Variants in MYO3A observed in about 807,000 individuals in gnomAD.
MYO3A encodes the protein myosin-IIIa.
MYO3A carries 180 observed loss-of-function variants against 192.7 expected under a neutral mutation model. The observed-to-expected ratio is 0.93, with a 90% CI of 0.83 to 1.06. MYO3A has a LOEUF of 1.06. Ranked by LOEUF, MYO3A falls within the 50% of genes least tolerant of loss-of-function variation. MYO3A has a pLI of 0.00. For missense variants in MYO3A, 1,896 were observed against 1,905.0 expected, an observed-to-expected ratio of 1.00 and a Z score of 0.09; for synonymous variants, 628 against 645.3, an observed-to-expected ratio of 0.97 and a Z score of 0.41.
chr10:26,170,647 C>G, intron 29 of MYO3A, 108 bp downstream of exon 29: 1 of 1,211,498 alleles, frequency 8.3e-7, no homozygotes, highest in Non-Finnish European at 1.2e-6. Context: ...GTTCCTGATA[C>G]TGACACATCA....
intron 20 of MYO3A, among the ~76,000 whole-genome samples, chr10:26,134,500 T>C (rs891298203): frequency 6.6e-6 from 1 of 152,160 alleles, no homozygotes; most frequent in African/African-American, 2.4e-5. Context: ...AAAAAAGTTA[T>C]TTCATTAAAG....
chr10:26,174,910 A>G (rs1476431604), intron 30 of MYO3A, among the ~76,000 whole-genome samples: 1 of 152,200 alleles, frequency 6.6e-6, no homozygotes, highest in Non-Finnish European at 1.5e-5. Context: ...AGTTTTCTAA[A>G]TCCTCCAAAG....
chr10:25,988,165 G>A (rs1390449642), intron 4 of MYO3A, among the ~76,000 whole-genome samples: 1 of 152,030 alleles, frequency 6.6e-6, no homozygotes, highest in Non-Finnish European at 1.5e-5. Flanking sequence ...AAGCTATGAG[G>A]ACACAAAGGC....
At chr10:26,046,269 CAG>C (rs1843632586) in intron 10 of MYO3A, among the ~76,000 whole-genome samples, 1 of 152,136 alleles carries the variant, frequency 6.6e-6, no homozygotes, top group Non-Finnish European at 1.5e-5. Flanking sequence ...TAGATAGTGA[CAG>C]AATTGAAATG....
At chr10:26,071,334 TAC>T (rs1835194355) in intron 14 of MYO3A, among the ~76,000 whole-genome samples, 1 of 150,912 alleles carries the variant, frequency 6.6e-6, no homozygotes, top group Non-Finnish European at 1.5e-5. Flanking sequence ...GATAGGCCCA[TAC>T]AAAAAAAAGA....
chr10:26,136,972 C>T lies in MYO3A; in HGVS notation c.2263-6476C>T, dbSNP rs377323176. 4.3e-4 allele frequency among the ~76,000 whole-genome samples: 65 copies of T among 151,770 alleles called. No homozygotes were observed. In the South Asian group the frequency reaches 0.013, roughly 30 times the overall value. ...GGCAGAGTTTGCAGTGAGCAGAGTTCGTGCCACTGCACTCCAGCCTGGGCC... is the reference window on the plus strand; with the variant it reads ...GGCAGAGTTTGCAGTGAGCAGAGTTTGTGCCACTGCACTCCAGCCTGGGCC... On this transcript the variant is annotated intron_variant, in intron 20 of 34. Transcript: ENST00000642920.
chr10:25,984,769 A>G (rs945810456), intron 4 of MYO3A, among the ~76,000 whole-genome samples: 1 of 152,264 alleles, frequency 6.6e-6, no homozygotes, highest in African/African-American at 2.4e-5. Flanking sequence ...TCATGCAAAT[A>G]CATGGAAATT....
intron 18 of MYO3A, 37 bp from the exon 19 acceptor site, chr10:26,125,361 A>C: frequency 6.2e-7 from 1 of 1,603,584 alleles, no homozygotes; most frequent in Non-Finnish European, 8.5e-7. Flanking sequence ...CCTCATTGCC[A>C]TAATTTCTTC....
chr10:26,150,129 A>G (rs1840713777), intron 23 of MYO3A, among the ~76,000 whole-genome samples: 1 of 152,112 alleles, frequency 6.6e-6, no homozygotes, highest in Non-Finnish European at 1.5e-5. Context: ...GCTATTATGA[A>G]CAATGCTGTA....
At chr10:26,144,227 A>AT (rs1339500869) in intron 21 of MYO3A, among the ~76,000 whole-genome samples, 1 of 151,806 alleles carries the variant, frequency 6.6e-6, no homozygotes, top group African/African-American at 2.4e-5. Flanking sequence ...AAAAAACTAG[A>AT]TTTTTCAGAT....
At chr10:26,120,588 G>A in intron 17 of MYO3A, 88 bp from the exon 18 acceptor site, 1 of 1,566,126 alleles carries the variant, frequency 6.4e-7, no homozygotes, top group Non-Finnish European at 8.7e-7. Context: ...GGGCCTGAGG[G>A]TTCTCTTCCA....
chr10:26,188,144 C>T (rs949737708), intron 31 of MYO3A, among the ~76,000 whole-genome samples: 4 of 152,206 alleles, frequency 2.6e-5, no homozygotes, highest in African/African-American at 9.6e-5. Context: ...CACATCCTCT[C>T]CAGCACCTGT....
At chr10:26,129,242 T>G (rs1029021505) in intron 20 of MYO3A, among the ~76,000 whole-genome samples, 3 of 152,236 alleles carry the variant, frequency 2.0e-5, no homozygotes, top group African/African-American at 7.2e-5. Flanking sequence ...TTTAGGCTTC[T>G]TAAGAGTTTA....
chr10:26,061,070 A>G (rs2131340435), intron 10 of MYO3A, among the ~76,000 whole-genome samples: 1 of 152,054 alleles, frequency 6.6e-6, no homozygotes, highest in East Asian at 1.9e-4. Context: ...CTGGGACTAC[A>G]GGCGCCTGCC....
At chr10:26,149,110 T>G (rs889607154) in intron 23 of MYO3A, among the ~76,000 whole-genome samples, 1 of 152,056 alleles carries the variant, frequency 6.6e-6, no homozygotes, top group Non-Finnish European at 1.5e-5. Flanking sequence ...CACCACTGAG[T>G]ATAATGTTAA....
At chr10:26,190,522 A>G (rs1213072883) in intron 31 of MYO3A, among the ~76,000 whole-genome samples, 2 of 152,212 alleles carry the variant, frequency 1.3e-5, no homozygotes, top group Admixed American at 1.3e-4. Flanking sequence ...AGAAATTGCC[A>G]GGACCTGAGG....
intron 10 of MYO3A, among the ~76,000 whole-genome samples, chr10:26,044,481 T>C (rs1055236697): frequency 6.6e-6 from 1 of 152,214 alleles, no homozygotes; most frequent in African/African-American, 2.4e-5. Flanking sequence ...TCCCCCTGGC[T>C]AGGGCTGGTT....
At chr10:26,161,792 T>G (rs1235197133) in intron 26 of MYO3A, among the ~76,000 whole-genome samples, 1 of 152,188 alleles carries the variant, frequency 6.6e-6, no homozygotes, top group East Asian at 1.9e-4. Context: ...TGCCTCAGTC[T>G]CAAGCTCCCA....
chr10:25,982,212 C>T (rs1009111340), intron 4 of MYO3A, among the ~76,000 whole-genome samples: 2 of 152,068 alleles, frequency 1.3e-5, no homozygotes, highest in African/African-American at 4.8e-5. Context: ...GGAACTACAC[C>T]GTCATGCCCC....
Sources: gnomAD v4.1 joint callset for allele counts (sites outside exome capture counted in the v4.1 genomes callset) on GRCh38, gnomAD v4.1.1 for gene constraint, MANE v1.5 for transcripts, NCBI Gene and HGNC (gene_info 2026-07-23, HGNC 2026-07-21) for gene names.